The following TMEM132D variants were observed in gnomAD, a reference collection of about 807,000 sequenced individuals.
The protein encoded by TMEM132D is mature OL transmembrane protein.
A neutral mutation model predicts 62.3 loss-of-function variants in TMEM132D; 21 were observed. That is an observed-to-expected ratio of 0.34 (90% CI 0.24 to 0.49). The LOEUF is 0.49. Ranked by LOEUF, TMEM132D falls within the 20% of genes least tolerant of loss-of-function variation. The pLI is 0.99. For synonymous variants in TMEM132D, 621 were observed against 575.6 expected, an observed-to-expected ratio of 1.08 and a Z score of -1.13; for missense variants, 1,346 against 1,402.8, an observed-to-expected ratio of 0.96 and a Z score of 0.65.
intron 2 of TMEM132D, among the ~76,000 whole-genome samples, chr12:129,699,054 C>T (rs1881306278): frequency 6.6e-6 from 1 of 152,160 alleles, no homozygotes; most frequent in South Asian, 2.1e-4. Context: ...TTCTACTAAA[C>T]AGCTGTTGTA....
intron 4 of TMEM132D, among the ~76,000 whole-genome samples, chr12:129,267,391 C>A (rs1365259072): frequency 6.7e-6 from 1 of 148,212 alleles, no homozygotes; most frequent in East Asian, 1.9e-4. Flanking sequence ...ACACCAATAA[C>A]AAACAAACAG....
intron 5 of TMEM132D, among the ~76,000 whole-genome samples, chr12:129,175,729 T>A (rs1474385749): frequency 6.6e-6 from 1 of 152,186 alleles, no homozygotes; most frequent in Non-Finnish European, 1.5e-5. Flanking sequence ...GGCAAAGCCA[T>A]CTTGCTGTTG....
intron 2 of TMEM132D, among the ~76,000 whole-genome samples, chr12:129,556,737 A>G (rs966367941): frequency 6.6e-6 from 1 of 152,224 alleles, no homozygotes; most frequent in African/African-American, 2.4e-5. Flanking sequence ...ATTAGTTAAA[A>G]TAAAATGAAG....
chr12:129,609,038 T>G (rs1878700012), intron 2 of TMEM132D, among the ~76,000 whole-genome samples: 1 of 151,924 alleles, frequency 6.6e-6, no homozygotes, highest in African/African-American at 2.4e-5. Context: ...CCTCCTGGGT[T>G]CCAGCGATTC....
intron 2 of TMEM132D, among the ~76,000 whole-genome samples, chr12:129,582,620 TTTC>T (rs1224697464): frequency 7.7e-5 from 3 of 39,000 alleles, no homozygotes; most frequent in Non-Finnish European, 5.2e-5. Flanking sequence ...ATTTTCTTTC[TTTC>T]TTTTTTTTTT....
intron 5 of TMEM132D, among the ~76,000 whole-genome samples, chr12:129,201,771 AG>A (rs1219273228): frequency 6.6e-6 from 1 of 152,110 alleles, no homozygotes; most frequent in Admixed American, 6.5e-5. Context: ...GATTGGGGGT[AG>A]GGGGAGAAAG....
At chr12:129,204,416 A>C (rs1296737080) in intron 5 of TMEM132D, among the ~76,000 whole-genome samples, 2 of 152,230 alleles carry the variant, frequency 1.3e-5, no homozygotes, top group African/African-American at 4.8e-5. Flanking sequence ...ACCTAGCTGA[A>C]GAAATCTCAG....
intron 3 of TMEM132D, among the ~76,000 whole-genome samples, chr12:129,524,510 T>G (rs1443061494): frequency 6.6e-6 from 1 of 152,202 alleles, no homozygotes; most frequent in Non-Finnish European, 1.5e-5. Flanking sequence ...GAACACAACT[T>G]TTTAAAATTA....
chr12:129,184,425 G>T lies in TMEM132D; in HGVS notation c.1443+25095C>A, dbSNP rs559919187. Among the ~76,000 whole-genome samples the T allele has an allele frequency of 6.6e-5, 10 of 152,328 alleles. No individual in the cohort carries two copies. In the East Asian group the frequency reaches 1.7e-3, roughly 26 times the overall value. Reference sequence around the variant, plus strand: ...GTGCGGGCTGTTTACAAACAAAACAGAAAAGCACCTGCCTACGGGATGGGG... The same window carrying T: ...GTGCGGGCTGTTTACAAACAAAACATAAAAGCACCTGCCTACGGGATGGGG... On this transcript the variant is annotated intron_variant, in intron 5 of 8. Transcript: ENST00000422113.
At chr12:129,625,549 GAC>G (rs1440776095) in intron 2 of TMEM132D, among the ~76,000 whole-genome samples, 1 of 152,142 alleles carries the variant, frequency 6.6e-6, no homozygotes, top group African/African-American at 2.4e-5. Context: ...CCCAATACGA[GAC>G]ACTTTCATTG....
chr12:129,241,763 G>A (rs907797360), intron 4 of TMEM132D, among the ~76,000 whole-genome samples: 9 of 152,102 alleles, frequency 5.9e-5, no homozygotes, highest in Non-Finnish European at 1.2e-4. Flanking sequence ...TGCTTCACAA[G>A]GGCATAGACT....
At chr12:129,880,804 G>T (rs1223622677) in intron 1 of TMEM132D, among the ~76,000 whole-genome samples, 1 of 150,626 alleles carries the variant, frequency 6.6e-6, no homozygotes, top group Non-Finnish European at 1.5e-5. Flanking sequence ...AAAGGGGGAT[G>T]CCAGAAGGCC....
chr12:129,092,611 C>T (rs146320654), intron 5 of TMEM132D, among the ~76,000 whole-genome samples: 2,336 of 152,250 alleles, frequency 0.015, 60 homozygotes, highest in African/African-American at 0.053. Context: ...AGGAGAATCG[C>T]TTGAACTCAG....
chr12:129,496,129 C>A (rs1020479539), intron 3 of TMEM132D, among the ~76,000 whole-genome samples: 5 of 152,094 alleles, frequency 3.3e-5, no homozygotes, highest in Non-Finnish European at 7.3e-5. Flanking sequence ...CCGGATGTAA[C>A]ATTACATGCA....
At chr12:129,446,963 G>A (rs986467826) in intron 3 of TMEM132D, among the ~76,000 whole-genome samples, 2 of 152,164 alleles carry the variant, frequency 1.3e-5, no homozygotes, top group African/African-American at 4.8e-5. Flanking sequence ...TCCCCAAGCG[G>A]ACCACACAGA....
At chr12:129,540,878 C>A (rs1190264677) in intron 2 of TMEM132D, among the ~76,000 whole-genome samples, 2 of 152,232 alleles carry the variant, frequency 1.3e-5, no homozygotes, top group Admixed American at 1.3e-4. Context: ...AGCAACCCTC[C>A]TGCCTTGGCC....
chr12:129,636,435 G>A (rs891427550), intron 2 of TMEM132D, among the ~76,000 whole-genome samples: 3 of 152,112 alleles, frequency 2.0e-5, no homozygotes, highest in African/African-American at 7.2e-5. Context: ...CTGTGTTAAT[G>A]TTGGTCAGTT....
chr12:129,876,962 G>T (rs556237049), intron 1 of TMEM132D, among the ~76,000 whole-genome samples: 1 of 152,232 alleles, frequency 6.6e-6, no homozygotes, highest in East Asian at 1.9e-4. Flanking sequence ...GGAAGGGAGG[G>T]TTCCCCAAAA....
intron 3 of TMEM132D, among the ~76,000 whole-genome samples, chr12:129,464,496 T>G (rs1459916386): frequency 1.3e-5 from 2 of 152,222 alleles, no homozygotes; most frequent in Non-Finnish European, 2.9e-5. Flanking sequence ...TTTGTCAATT[T>G]TGGCTTTTGT....
Sources: gnomAD v4.1 joint callset for allele counts (sites outside exome capture counted in the v4.1 genomes callset) on GRCh38, gnomAD v4.1.1 for gene constraint, MANE v1.5 for transcripts, NCBI Gene and HGNC (gene_info 2026-07-23, HGNC 2026-07-21) for gene names.